The following NRG1 variants were observed in gnomAD, a reference collection of about 807,000 sequenced individuals.
NRG1 encodes the protein neuregulin 1, also known as pro-neuregulin-1, membrane-bound isoform.
A neutral mutation model predicts 63.8 loss-of-function variants in NRG1; 18 were observed. That is an observed-to-expected ratio of 0.28 (90% CI 0.19 to 0.42). The LOEUF (loss-of-function observed/expected upper bound fraction) is 0.42. Ranked by LOEUF, NRG1 falls within the 10% of genes least tolerant of loss-of-function variation. The pLI is 1.00. For synonymous variants in NRG1, 302 were observed against 301.3 expected (o/e 1.00, Z -0.02); for missense variants, 762 against 814.7 (o/e 0.94, Z 0.79).
intron 1 of NRG1, among the ~76,000 whole-genome samples, chr8:31,735,998 A>G (rs1304819517): frequency 6.6e-6 from 1 of 152,136 alleles, no homozygotes; most frequent in African/African-American, 2.4e-5. Context: ...CATTAGCCAG[A>G]ATGAGCCTTC....
intron 1 of NRG1, among the ~76,000 whole-genome samples, chr8:32,202,756 C>T (rs1000179839): frequency 1.3e-4 from 19 of 151,568 alleles, no homozygotes; most frequent in African/African-American, 4.6e-4. Flanking sequence ...CTCCTCTTGA[C>T]CTTCAGACAC....
chr8:32,695,774 G>A (rs1212033015), intron 5 of NRG1, among the ~76,000 whole-genome samples: 3 of 152,162 alleles, frequency 2.0e-5, no homozygotes, highest in Non-Finnish European at 4.4e-5. Context: ...TAAAAATCAG[G>A]TGCTTACAAA....
intron 1 of NRG1, among the ~76,000 whole-genome samples, chr8:32,351,648 T>G (rs1020529634): frequency 6.6e-6 from 1 of 152,142 alleles, no homozygotes; most frequent in African/African-American, 2.4e-5. Context: ...GGGTCCCCAC[T>G]CCTAGTCCAC....
At chr8:31,772,977 C>A (rs919165786) in intron 1 of NRG1, among the ~76,000 whole-genome samples, 1 of 152,116 alleles carries the variant, frequency 6.6e-6, no homozygotes, top group Non-Finnish European at 1.5e-5. Flanking sequence ...GAGAGTTTTG[C>A]CCAAAAAGCA....
intron 1 of NRG1, among the ~76,000 whole-genome samples, chr8:31,989,196 C>T (rs1350342085): frequency 7.5e-5 from 9 of 119,226 alleles, no homozygotes; most frequent in Non-Finnish European, 1.3e-4. Context: ...GCAGTGAAGC[C>T]GAGATTACTG....
At chr8:31,849,048 G>A (rs746892539) in intron 1 of NRG1, among the ~76,000 whole-genome samples, 1 of 152,194 alleles carries the variant, frequency 6.6e-6, no homozygotes, top group East Asian at 1.9e-4. Flanking sequence ...GTCTTAGAGT[G>A]TAACAAATGC....
intron 1 of NRG1, among the ~76,000 whole-genome samples, chr8:31,706,753 A>G (rs1226272306): frequency 1.3e-5 from 2 of 152,208 alleles, no homozygotes; most frequent in Non-Finnish European, 2.9e-5. Flanking sequence ...ATACAAAATA[A>G]TACATTAGCA....
intron 1 of NRG1, among the ~76,000 whole-genome samples, chr8:32,243,958 G>A (rs145002546): frequency 6.6e-6 from 1 of 152,278 alleles, no homozygotes; most frequent in African/African-American, 2.4e-5. Context: ...TTTTGGAACT[G>A]CAGGAAATCG....
At chr8:32,772,864 A>G (rs1831899271), downstream of NRG1, among the ~76,000 whole-genome samples, 1 of 151,682 alleles carries the variant, frequency 6.6e-6, no homozygotes, top group Admixed American at 6.6e-5. Flanking sequence ...AAACTACCCA[A>G]CCCCCTGTAA....
intron 1 of NRG1, among the ~76,000 whole-genome samples, chr8:32,374,869 A>G (rs1214525971): frequency 1.3e-5 from 2 of 152,162 alleles, no homozygotes; most frequent in African/African-American, 4.8e-5. Flanking sequence ...ATAGTGGAGG[A>G]GGGTTGTAAC....
chr8:31,719,231 T>G (rs1330115549), intron 1 of NRG1, among the ~76,000 whole-genome samples: 1 of 152,188 alleles, frequency 6.6e-6, no homozygotes, highest in East Asian at 1.9e-4. Flanking sequence ...ACCTTCTTCC[T>G]TTAATCTCAT....
chr8:31,926,932 T>C (rs1834406904), intron 1 of NRG1, among the ~76,000 whole-genome samples: 1 of 152,192 alleles, frequency 6.6e-6, no homozygotes, highest in Non-Finnish European at 1.5e-5. Flanking sequence ...TCTCTCCTCA[T>C]GTGGTGGTGC....
chr8:32,130,383 T>TA (rs1834651471), intron 1 of NRG1, among the ~76,000 whole-genome samples: 1 of 151,932 alleles, frequency 6.6e-6, no homozygotes, highest in Non-Finnish European at 1.5e-5. Flanking sequence ...TAACATTGGG[T>TA]AAAAGGGACT....
chr8:32,658,282 A>C (rs1209872873), intron 5 of NRG1, among the ~76,000 whole-genome samples: 1 of 152,210 alleles, frequency 6.6e-6, no homozygotes, highest in East Asian at 1.9e-4. Context: ...ATGATTTGTC[A>C]CCTTGAAACT....
At chr8:32,005,221 G>A (rs1157213599) in intron 1 of NRG1, among the ~76,000 whole-genome samples, 1 of 151,884 alleles carries the variant, frequency 6.6e-6, no homozygotes, top group Non-Finnish European at 1.5e-5. Context: ...TCTGTGGATT[G>A]TGTGAGTTAA....
At chr8:32,616,204 T>C (rs766723605) in intron 4 of NRG1, among the ~76,000 whole-genome samples, 1 of 152,066 alleles carries the variant, frequency 6.6e-6, no homozygotes, top group Non-Finnish European at 1.5e-5. Flanking sequence ...GACTGTTTTT[T>C]CTTCTTTTAT....
downstream of NRG1, among the ~76,000 whole-genome samples, chr8:32,768,866 G>A (rs573185349): frequency 2.0e-4 from 30 of 152,262 alleles, no homozygotes; most frequent in African/African-American, 7.0e-4. Context: ...ACCTCCATCT[G>A]TGTACCTAAT....
At chr8:32,309,829 G>T (rs182331996) in intron 1 of NRG1, among the ~76,000 whole-genome samples, 3 of 152,052 alleles carry the variant, frequency 2.0e-5, no homozygotes, top group Non-Finnish European at 4.4e-5. Flanking sequence ...CCCAAATTCC[G>T]CCTCCCACCT....
rs144620993 is a variant in NRG1, at chr8:31,936,049, T to C, written c.37+296618T>C. On this transcript the variant is annotated intron_variant, in intron 1 of 10. Coordinates refer to the NRG1 transcript ENST00000519301. ...GGAGGAAAGAATGGCCAATAGAAGA[T>C]GGAAAGGCAGCAGTCACGGTCACAA... Among the ~76,000 whole-genome samples, 13 of 151,770 alleles carry C rather than the reference T, an allele frequency of 8.6e-5. 1 individual carries two copies. Among genetic ancestry groups the C allele is most frequent in the African/African-American group, 3.1e-4 (13 of 41,370 alleles).
Sources: allele counts gnomAD v4.1 joint callset (sites outside exome capture counted in the v4.1 genomes callset), GRCh38; gene constraint gnomAD v4.1.1; transcripts MANE v1.5; gene names NCBI Gene and HGNC (gene_info 2026-07-23, HGNC 2026-07-21).